The following CACNA1C variants were observed in gnomAD, a reference collection of about 807,000 sequenced individuals.
CACNA1C encodes voltage-dependent L-type calcium channel subunit alpha-1C.
A neutral mutation model predicts 229.0 loss-of-function variants in CACNA1C; 30 were observed. The ratio of observed to expected loss-of-function variants is 0.13; its 90% CI spans 0.10 to 0.18. CACNA1C has a LOEUF of 0.18. CACNA1C is among the 10% of genes least tolerant of loss of function. CACNA1C has a pLI of 1.00. For synonymous variants in CACNA1C, 1,114 were observed against 1,132.5 expected, an observed-to-expected ratio of 0.98 and a Z score of 0.33; for missense variants, 1,658 against 2,845.0, an observed-to-expected ratio of 0.58 and a Z score of 9.49.
intron 3 of CACNA1C, among the ~76,000 whole-genome samples, chr12:2,433,797 C>G (rs927304731): frequency 6.6e-6 from 1 of 152,190 alleles, no homozygotes; most frequent in Non-Finnish European, 1.5e-5. Context: ...ATGGACCAAG[C>G]CTGATCATTT....
At chr12:2,330,733 T>C (rs1423759266) in intron 3 of CACNA1C, among the ~76,000 whole-genome samples, 1 of 152,216 alleles carries the variant, frequency 6.6e-6, no homozygotes, top group African/African-American at 2.4e-5. Context: ...AAATCAGTGA[T>C]GAAGGGAAGG....
chr12:2,116,593 TC>T (rs1326804133), intron 2 of CACNA1C, among the ~76,000 whole-genome samples: 4 of 152,134 alleles, frequency 2.6e-5, no homozygotes, highest in African/African-American at 9.7e-5. Flanking sequence ...GGTCTCGATC[TC>T]CTAACCTCGT....
At chr12:2,667,284 A>C (rs116146029) in intron 37 of CACNA1C, among the ~76,000 whole-genome samples, 1 of 123,266 alleles carries the variant, frequency 8.1e-6, no homozygotes, top group African/African-American at 4.3e-5. Context: ...TGGCCACTCC[A>C]CGCTCCTTTT....
At chr12:2,437,207 G>T (rs1412506593) in intron 3 of CACNA1C, among the ~76,000 whole-genome samples, 1 of 152,256 alleles carries the variant, frequency 6.6e-6, no homozygotes. Context: ...TCCTCATAAG[G>T]TGGTGACCAG....
intron 3 of CACNA1C, among the ~76,000 whole-genome samples, chr12:2,329,947 G>T (rs1371481476): frequency 6.6e-6 from 1 of 152,214 alleles, no homozygotes; most frequent in Non-Finnish European, 1.5e-5. Context: ...GCCCCAGATG[G>T]AATAACGTTA....
In CACNA1C at chr12:2,636,803, C is replaced by T. The variant is rs115370799; in HGVS notation, c.3912+2423C>T. The stretch of plus-strand genomic sequence containing the variant: ...CTGTAATTGATATCTTAAATAAGCA[C>T]AGGGTTTTTTCCACTTTCTAAATAA... On this transcript the variant is annotated intron_variant, in intron 30 of 46. Coordinates refer to ENST00000399655, the MANE Select transcript of CACNA1C (RefSeq NM_000719.7). 2.5e-3 allele frequency among the ~76,000 whole-genome samples: 386 copies of T among 152,320 alleles called. 3 individuals are homozygous for T. The highest frequency in any genetic ancestry group is 8.8e-3 in the African/African-American group (365 of 41,566).
intron 2 of CACNA1C, among the ~76,000 whole-genome samples, 166 bp from the exon 3 acceptor site, chr12:2,120,159 G>A (rs574247393): frequency 4.6e-4 from 70 of 152,328 alleles, no homozygotes; most frequent in African/African-American, 1.6e-3. Context: ...GGACCCACTA[G>A]AAGCACTTAA....
intron 5 of CACNA1C, among the ~76,000 whole-genome samples, chr12:2,473,540 T>C (rs200424678): frequency 1.3e-5 from 2 of 152,224 alleles, no homozygotes; most frequent in East Asian, 3.8e-4. Flanking sequence ...CAGTAGTAAT[T>C]GGAAGAAGGA....
chr12:2,191,565 C>G (rs1298651217), intron 3 of CACNA1C, among the ~76,000 whole-genome samples: 2 of 152,132 alleles, frequency 1.3e-5, no homozygotes, highest in African/African-American at 2.4e-5. Flanking sequence ...CTCACATGCA[C>G]TCACATGTAC....
chr12:2,140,144 T>A (rs766300390), intron 3 of CACNA1C, among the ~76,000 whole-genome samples: 1 of 151,250 alleles, frequency 6.6e-6, no homozygotes, highest in African/African-American at 2.4e-5. Flanking sequence ...GTTGTCATCA[T>A]ATTTTGGCAG....
In CACNA1C at chr12:2,651,596, C is replaced by G. The variant is rs760982440; in HGVS notation, c.3946-44C>G. 2.2e-5 allele frequency: 35 copies of G among 1,613,776 alleles called. No individual in the cohort carries two copies. Among genetic ancestry groups the G allele is most frequent in the Admixed American group, 1.3e-4 (8 of 60,006 alleles). On this transcript the variant is annotated intron_variant, in intron 31 of 46. Transcript: ENST00000399655. The surrounding 1 kb of genome is among the most constrained non-coding windows in gnomAD (Gnocchi z 5.4). ...GAGGGGCCCTCCTGTTCTCACCCCC[C>G]TCTTGCTGTGCTAACTGCACCTCCT...
At chr12:2,230,693 G>A (rs971132237) in intron 3 of CACNA1C, among the ~76,000 whole-genome samples, 2 of 152,182 alleles carry the variant, frequency 1.3e-5, no homozygotes, top group African/African-American at 4.8e-5. Context: ...TGGGTTGTGC[G>A]GGACTTTATT....
intron 1 of CACNA1C, among the ~76,000 whole-genome samples, chr12:2,057,526 A>C (rs2055586338): frequency 6.6e-6 from 1 of 152,176 alleles, no homozygotes; most frequent in African/African-American, 2.4e-5. Context: ...GCCCCGGCAC[A>C]GGTAACCCAA....
At chr12:2,553,878 G>A (rs1161830151) in intron 10 of CACNA1C, among the ~76,000 whole-genome samples, 1 of 152,228 alleles carries the variant, frequency 6.6e-6, no homozygotes, top group Non-Finnish European at 1.5e-5. Flanking sequence ...CCCAGGAGTG[G>A]AAGCAATTCT....
intron 7 of CACNA1C, among the ~76,000 whole-genome samples, chr12:2,500,724 C>T (rs2099757612): frequency 6.6e-6 from 1 of 152,176 alleles, no homozygotes; most frequent in African/African-American, 2.4e-5. Context: ...ACGGGGCAAG[C>T]TCCTTTGGGG....
At chr12:2,263,800 TG>T (rs1333637176) in intron 3 of CACNA1C, among the ~76,000 whole-genome samples, 2 of 151,410 alleles carry the variant, frequency 1.3e-5, no homozygotes, top group African/African-American at 4.9e-5. Context: ...AGGAGCTGGT[TG>T]GGGTGGGGGA....
At chr12:2,044,913 A>G (rs2050800756) in intron 1 of CACNA1C, among the ~76,000 whole-genome samples, 1 of 152,230 alleles carries the variant, frequency 6.6e-6, no homozygotes, top group Admixed American at 6.5e-5. Context: ...GAATTCTAAG[A>G]GAGATGCAAG....
chr12:2,392,502 T>A (rs1313502932), intron 3 of CACNA1C, among the ~76,000 whole-genome samples: 1 of 152,200 alleles, frequency 6.6e-6, no homozygotes, highest in Non-Finnish European at 1.5e-5. Context: ...GCCCCTCGCA[T>A]GCATCCATCA....
intron 3 of CACNA1C, among the ~76,000 whole-genome samples, chr12:2,327,698 G>A: frequency 6.6e-6 from 1 of 152,222 alleles, no homozygotes; most frequent in East Asian, 1.9e-4. Flanking sequence ...AATGGATGGA[G>A]TTGAGGGTTG....
Sources: gnomAD v4.1 joint callset for allele counts (sites outside exome capture counted in the v4.1 genomes callset) on GRCh38, gnomAD v4.1.1 for gene constraint, Gnocchi (gnomAD v3.1) non-coding constraint, MANE v1.5 for transcripts, NCBI Gene and HGNC (gene_info 2026-07-23, HGNC 2026-07-21) for gene names.